The following KCNT2 variants were observed in gnomAD, a reference collection of about 807,000 sequenced individuals.
The protein encoded by KCNT2 is potassium channel subfamily T member 2.
In KCNT2, 67 loss-of-function variants were observed where a neutral mutation model predicts 153.8. The observed-to-expected ratio is 0.44, with a 90% CI of 0.36 to 0.53. The LOEUF is 0.53. KCNT2 is among the 20% of genes least tolerant of loss of function. The probability of loss-of-function intolerance (pLI) is 0.00; values close to 1 mark genes in which losing one functional copy is unlikely to be tolerated. For synonymous variants in KCNT2, 500 were observed against 458.8 expected, an observed-to-expected ratio of 1.09 and a Z score of -1.15; for missense variants, 975 against 1,354.8, an observed-to-expected ratio of 0.72 and a Z score of 4.40.
intron 1 of KCNT2, among the ~76,000 whole-genome samples, chr1:196,560,050 T>C (rs1415191243): frequency 6.6e-6 from 1 of 151,914 alleles, no homozygotes; most frequent in African/African-American, 2.4e-5. Context: ...TTAAATAATT[T>C]AATTTGCCGT....
chr1:196,284,570 C>T (rs1659480716), intron 23 of KCNT2, among the ~76,000 whole-genome samples: 1 of 151,884 alleles, frequency 6.6e-6, no homozygotes. Flanking sequence ...AGTTTCAACA[C>T]TGCTCTTCAA....
chr1:196,453,301 G>A (rs6677415), intron 8 of KCNT2, among the ~76,000 whole-genome samples: 3,707 of 151,788 alleles, frequency 0.024, 145 homozygotes, highest in African/African-American at 0.084. Flanking sequence ...GAGGACTTTG[G>A]CTCAGGTGGT....
intron 1 of KCNT2, among the ~76,000 whole-genome samples, chr1:196,556,652 A>G (rs1048799925): frequency 2.6e-5 from 4 of 151,442 alleles, no homozygotes; most frequent in Non-Finnish European, 5.9e-5. Context: ...AAGAAAGGGA[A>G]TCAGTATATT....
intron 17 of KCNT2, among the ~76,000 whole-genome samples, chr1:196,333,094 GT>G (rs199829441): frequency 0.019 from 2,653 of 141,658 alleles, 21 homozygotes; most frequent in Non-Finnish European, 0.026. Context: ...CCAGCTGCAA[GT>G]TTTTTTTTTT....
chr1:196,255,351 C>A (rs933236179), intron 26 of KCNT2, among the ~76,000 whole-genome samples: 1 of 151,624 alleles, frequency 6.6e-6, no homozygotes, highest in Non-Finnish European at 1.5e-5. Context: ...AAAGAACACA[C>A]GGCTTGTCCA....
At chr1:196,308,581 AG>A (rs1661858792) in intron 21 of KCNT2, among the ~76,000 whole-genome samples, 1 of 152,092 alleles carries the variant, frequency 6.6e-6, no homozygotes, top group African/African-American at 2.4e-5. Context: ...AGAAATTGAA[AG>A]GGTCACATCA....
chr1:196,500,159 GAAGGAATA>G (rs1339362757), intron 1 of KCNT2, among the ~76,000 whole-genome samples: 1 of 148,142 alleles, frequency 6.8e-6, no homozygotes, highest in Non-Finnish European at 1.5e-5. Context: ...AGGGAGGAAA[GAAGGAATA>G]AAGGAAGAAA....
rs535159340 is a variant in KCNT2, at chr1:196,253,360, C to T, written c.3211+4834G>A. On this transcript the variant is annotated intron_variant, in intron 26 of 27. Coordinates refer to ENST00000294725, the MANE Select transcript of KCNT2 (RefSeq NM_198503.5). ...GATGCCACCCCCATCCAGTATTTAA[C>T]TTGGAATACTGAATTATGCATTTTT... Among the ~76,000 whole-genome samples, 11 of 151,528 alleles carry T rather than the reference C, an allele frequency of 7.3e-5. No homozygotes were observed. In the East Asian group the frequency reaches 2.1e-3, roughly 29 times the overall value.
chr1:196,505,879 CTGTT>C (rs1460093417), intron 1 of KCNT2, among the ~76,000 whole-genome samples: 1 of 152,104 alleles, frequency 6.6e-6, no homozygotes, highest in Non-Finnish European at 1.5e-5. Flanking sequence ...GATTGGTTCT[CTGTT>C]TGTCTGTTAT....
intron 13 of KCNT2, among the ~76,000 whole-genome samples, chr1:196,385,772 A>AAAAATAT (rs747480460): frequency 8.8e-5 from 13 of 148,526 alleles, no homozygotes; most frequent in African/African-American, 2.7e-4. Context: ...GCATTAAAAA[A>AAAAATAT]ATATATATAT....
intron 1 of KCNT2, among the ~76,000 whole-genome samples, chr1:196,537,728 T>G (rs2148864403): frequency 6.6e-6 from 1 of 152,326 alleles, no homozygotes; most frequent in Non-Finnish European, 1.5e-5. Context: ...CGGAGACAAC[T>G]GTCTCCACAA....
chr1:196,327,666 A>ATTTTTTTTTT (rs1664006430), intron 18 of KCNT2, among the ~76,000 whole-genome samples: 1 of 109,912 alleles, frequency 9.1e-6, no homozygotes, highest in African/African-American at 4.8e-5. Context: ...GAATATTCTG[A>ATTTTTTTTTT]TCTTTTTTTT....
chr1:196,287,715 G>A (rs569799145), intron 22 of KCNT2, among the ~76,000 whole-genome samples: 7 of 152,108 alleles, frequency 4.6e-5, no homozygotes, highest in South Asian at 2.1e-4. Context: ...ATAAATATGC[G>A]TTGAGAACGT....
intron 13 of KCNT2, among the ~76,000 whole-genome samples, chr1:196,373,713 A>G (rs1022549354): frequency 1.3e-5 from 2 of 151,940 alleles, no homozygotes; most frequent in Admixed American, 1.3e-4. Flanking sequence ...TTAGAAAGTA[A>G]TTATTAAAAG....
intron 26 of KCNT2, among the ~76,000 whole-genome samples, chr1:196,244,337 T>G (rs1210457786): frequency 6.6e-6 from 1 of 152,088 alleles, no homozygotes; most frequent in Non-Finnish European, 1.5e-5. Context: ...AAGGGGACTT[T>G]GTCTTGCAGC....
In KCNT2 at chr1:196,228,340, TA is replaced by T; in HGVS notation, c.3297-6del. 1 of 1,517,706 alleles carries T rather than the reference TA, an allele frequency of 6.6e-7. No homozygotes were observed. Among genetic ancestry groups the T allele is most frequent in the Non-Finnish European group, 9.1e-7 (1 of 1,099,150 alleles). The allele number at this position is 1,517,706 out of a possible 1,614,324, so 94.0% of individuals were successfully genotyped here. Reference sequence around the variant, plus strand: ...GGATCTGGTCGAATTAAGTATCTAATAAAAGAAAACAAAATAAATAACTTTG... The same window carrying T: ...GGATCTGGTCGAATTAAGTATCTAATAAAGAAAACAAAATAAATAACTTTG... On this transcript the variant is annotated splice_region_variant and splice_polypyrimidine_tract_variant and intron_variant, in intron 27 of 27. Transcript: ENST00000294725.
intron 1 of KCNT2, among the ~76,000 whole-genome samples, chr1:196,543,028 T>C (rs1028774648): frequency 2.6e-5 from 4 of 152,128 alleles, no homozygotes; most frequent in Non-Finnish European, 5.9e-5. Flanking sequence ...GCAACATAAA[T>C]AAATATGGTG....
At position 196,356,385 on chromosome 1, in the gene KCNT2, G is replaced by C. The variant is rs185451168; in HGVS notation, c.1404-14157C>G. On this transcript the variant is annotated intron_variant, in intron 14 of 27. Coordinates refer to ENST00000294725, the MANE Select transcript of KCNT2 (RefSeq NM_198503.5). Reference sequence around the variant, plus strand: ...CTTATATTCCCCAAAGTCCTAACATGGTACCTTACATAGTATGGATGCATA... The same window carrying C: ...CTTATATTCCCCAAAGTCCTAACATCGTACCTTACATAGTATGGATGCATA... 1.8e-4 allele frequency among the ~76,000 whole-genome samples: 28 copies of C among 151,478 alleles called. No homozygotes were observed. The East Asian group carries it at 5.2e-3, about 28-fold the overall frequency.
At chr1:196,469,698 G>A (rs1282038185) in intron 5 of KCNT2, among the ~76,000 whole-genome samples, 7 of 152,076 alleles carry the variant, frequency 4.6e-5, no homozygotes, top group Admixed American at 6.5e-5. Context: ...AACTAATCAC[G>A]AGGACCTTCT....
Sources: gnomAD v4.1 joint callset for allele counts (sites outside exome capture counted in the v4.1 genomes callset) on GRCh38, gnomAD v4.1.1 for gene constraint, MANE v1.5 for transcripts, NCBI Gene and HGNC (gene_info 2026-07-23, HGNC 2026-07-21) for gene names.